IFNAR2: variants seen among roughly 807,000 people sequenced by gnomAD.
IFNAR2 encodes interferon alpha and beta receptor subunit 2, also known as interferon alpha/beta receptor 2.
In IFNAR2, 30 loss-of-function variants were observed where a neutral mutation model predicts 49.4. That is an observed-to-expected ratio of 0.61 (90% CI 0.45 to 0.82). The LOEUF (loss-of-function observed/expected upper bound fraction) is 0.82, where lower values mean the gene tolerates loss of function less well. IFNAR2 is among the 40% of genes least tolerant of loss of function. The pLI, the probability that IFNAR2 is intolerant of heterozygous loss-of-function variation, is 0.00. For missense variants in IFNAR2, 600 were observed against 622.7 expected (o/e 0.96, Z 0.39); for synonymous variants, 224 against 234.5 (o/e 0.96, Z 0.41).
chr21:33,250,630 C>T (rs561828224), intron 6 of IFNAR2, among the ~76,000 whole-genome samples: 10 of 152,176 alleles, frequency 6.6e-5, no homozygotes, highest in South Asian at 2.1e-4. Context: ...CTCCGCCTCC[C>T]GGGTTCAAGC....
At chr21:33,257,342 G>A (rs1452337295) in intron 7 of IFNAR2, among the ~76,000 whole-genome samples, 1 of 152,228 alleles carries the variant, frequency 6.6e-6, no homozygotes, top group Non-Finnish European at 1.5e-5. Context: ...CAAAGAGTGA[G>A]CAGTAGCATG....
rs1985985693 is a variant in IFNAR2 at position 33,230,632 on chromosome 21, G to A, written c.-84+416G>A. 4.3e-6 allele frequency: 2 copies of A among 468,996 alleles called. No homozygotes were observed. The highest frequency in any genetic ancestry group is 1.4e-4 in the East Asian group (2 of 14,232). The allele number at this position is 468,996 out of a possible 1,614,324, so 29.1% of individuals were successfully genotyped here. A position where few individuals can be genotyped will look rare whatever the true frequency, so the allele number is the denominator to read the frequency against. On this transcript the variant is annotated intron_variant, in intron 1 of 8. Coordinates refer to ENST00000342136, the MANE Select transcript of IFNAR2 (RefSeq NM_001289125.3). The surrounding 1 kb of genome is among the most constrained non-coding windows in gnomAD (Gnocchi z 5.5). ...CTTGCAAAACCGGCTCACCAGCTGG[G>A]TGCTCAGGTTCGGGATCTCCAGCCC...
At chr21:33,257,593 G>A (rs1250057424) in intron 7 of IFNAR2, among the ~76,000 whole-genome samples, 1 of 151,444 alleles carries the variant, frequency 6.6e-6, no homozygotes, top group Non-Finnish European at 1.5e-5. Flanking sequence ...TGATTGGTGC[G>A]TTTTACAGAA....
intron 7 of IFNAR2, among the ~76,000 whole-genome samples, chr21:33,259,025 C>T (rs1988399883): frequency 6.6e-6 from 1 of 152,116 alleles, no homozygotes; most frequent in African/African-American, 2.4e-5. Context: ...TAGTCATCGC[C>T]AGTCTTTTCA....
chr21:33,245,552 T>C (rs1476911792), intron 4 of IFNAR2, among the ~76,000 whole-genome samples: 1 of 152,270 alleles, frequency 6.6e-6, no homozygotes, highest in Non-Finnish European at 1.5e-5. Context: ...TAGTCTGGTT[T>C]GGTCACTAAC....
chr21:33,234,745 A>T lies in IFNAR2; in HGVS notation c.-84+4529A>T, dbSNP rs1043986533. The T allele has an allele frequency of 8.1e-6, 8 of 984,728 alleles. No homozygotes were observed. In the African/African-American group the frequency reaches 1.4e-4, roughly 17 times the overall value. The allele number at this position is 984,728 out of a possible 1,614,324, so 61.0% of individuals were successfully genotyped here. On this transcript the variant is annotated intron_variant, in intron 1 of 8. Coordinates refer to ENST00000342136, the MANE Select transcript of IFNAR2 (RefSeq NM_001289125.3). Reference sequence around the variant, plus strand: ...AGAAGGCCACAGTGTCACAGGGTGAACCTGTGACAAAATTGGGGTTCAGCC... The same window carrying T: ...AGAAGGCCACAGTGTCACAGGGTGATCCTGTGACAAAATTGGGGTTCAGCC...
intron 1 of IFNAR2, among the ~76,000 whole-genome samples, chr21:33,237,078 GGTGTGTGT>G (rs34322078): frequency 9.5e-5 from 14 of 147,696 alleles, no homozygotes; most frequent in Non-Finnish European, 1.8e-4. Context: ...GGGAGAATGG[GGTGTGTGT>G]GTGTGTGTGT....
chr21:33,262,626 G>A (rs766727316), intron 8 of IFNAR2, 167 bp from the exon 9 acceptor site: 2 of 953,542 alleles, frequency 2.1e-6, no homozygotes, highest in African/African-American at 3.2e-5. Context: ...ATGCACTACA[G>A]TCTGAAACTC....
chr21:33,255,920 C>G (rs1455434108), intron 7 of IFNAR2, among the ~76,000 whole-genome samples: 1 of 152,188 alleles, frequency 6.6e-6, no homozygotes, highest in African/African-American at 2.4e-5. Flanking sequence ...AAAGACACTC[C>G]TAACGTTCAG....
chr21:33,252,051 C>T, intron 6 of IFNAR2: 1 of 360,924 alleles, frequency 2.8e-6, no homozygotes, highest in South Asian at 2.1e-5. Context: ...CCACTGCACT[C>T]CAGCCTGGGC....
In IFNAR2 at chr21:33,230,025, G is replaced by A. The variant is rs1171210592; in HGVS notation, c.-275G>A. 4 of 985,256 alleles carry A rather than the reference G, an allele frequency of 4.1e-6. No individual in the cohort carries two copies. In the African/African-American group the frequency reaches 7.0e-5, roughly 17 times the overall value. The allele number at this position is 985,256 out of a possible 1,614,324, so 61.0% of individuals were successfully genotyped here. On this transcript the variant is annotated 5_prime_UTR_variant, in exon 1 of 9. Coordinates refer to ENST00000342136, the MANE Select transcript of IFNAR2 (RefSeq NM_001289125.3). This position sits in a 1 kb window ranked among gnomAD's most constrained non-coding sequence, Gnocchi z 5.5. Reference sequence around the variant, plus strand: ...CGGGTAGGAATCCCGCCGGCGAGCCGAACAGTTCCCCGAGCGCAGCCCGCG... The same window carrying A: ...CGGGTAGGAATCCCGCCGGCGAGCCAAACAGTTCCCCGAGCGCAGCCCGCG...
At chr21:33,252,883 G>T in intron 7 of IFNAR2, 53 bp downstream of exon 7, 1 of 1,358,024 alleles carries the variant, frequency 7.4e-7, no homozygotes, top group Non-Finnish European at 1.1e-6. Context: ...TTTACTCTGA[G>T]GGCAAGCCTA....
intron 3 of IFNAR2, among the ~76,000 whole-genome samples, chr21:33,244,456 C>G (rs888267022): frequency 4.6e-5 from 7 of 152,236 alleles, no homozygotes; most frequent in Non-Finnish European, 1.0e-4. Flanking sequence ...TACTCCCCTG[C>G]TCTCTGTGAT....
chr21:33,237,766 G>A (rs1986592078), intron 1 of IFNAR2, among the ~76,000 whole-genome samples: 1 of 152,110 alleles, frequency 6.6e-6, no homozygotes, highest in East Asian at 1.9e-4. Context: ...ATTTTGACTT[G>A]GAATCACTTG....
intron 7 of IFNAR2, among the ~76,000 whole-genome samples, chr21:33,256,371 C>A (rs1258857449): frequency 6.6e-6 from 1 of 152,198 alleles, no homozygotes; most frequent in Non-Finnish European, 1.5e-5. Context: ...ATGTCAAATT[C>A]TTGTTTGAAA....
intron 7 of IFNAR2, among the ~76,000 whole-genome samples, chr21:33,255,156 G>A (rs1194482983): frequency 2.6e-5 from 4 of 152,198 alleles, no homozygotes; most frequent in Non-Finnish European, 5.9e-5. Context: ...ACTTAAAACT[G>A]CATATAGATT....
chr21:33,230,136 C>G lies in IFNAR2; in HGVS notation c.-164C>G. The G allele has an allele frequency of 1.0e-6, 1 of 993,430 alleles. No individual in the cohort carries two copies. 61.5% of individuals were successfully genotyped at this position (993,430 alleles called of 1,614,324 possible). On this transcript the variant is annotated 5_prime_UTR_variant, in exon 1 of 9. Transcript: ENST00000342136. The surrounding 1 kb of genome is among the most constrained non-coding windows in gnomAD (Gnocchi z 5.5). Reference sequence around the variant, plus strand: ...CCGCCCGCGAGGCGCATCCTGACCGCGAGCGTCGGGTCCCAGAGCCGGGCG... The same window carrying G: ...CCGCCCGCGAGGCGCATCCTGACCGGGAGCGTCGGGTCCCAGAGCCGGGCG...
At chr21:33,247,914 G>T (rs559128868) in intron 5 of IFNAR2, among the ~76,000 whole-genome samples, 36 of 152,328 alleles carry the variant, frequency 2.4e-4, no homozygotes, top group Admixed American at 5.2e-4. Context: ...ACATTTGCTG[G>T]ATTTGTGTGC....
chr21:33,240,225 A>G (rs547343170), intron 1 of IFNAR2, among the ~76,000 whole-genome samples: 1 of 152,358 alleles, frequency 6.6e-6, no homozygotes, highest in East Asian at 1.9e-4. Flanking sequence ...GCCCCATAAG[A>G]TTATACCATA....
Sources: gnomAD v4.1 joint callset for allele counts (sites outside exome capture counted in the v4.1 genomes callset) on GRCh38, gnomAD v4.1.1 for gene constraint, Gnocchi (gnomAD v3.1) non-coding constraint, MANE v1.5 for transcripts, NCBI Gene and HGNC (gene_info 2026-07-23, HGNC 2026-07-21) for gene names.